MNAT1: variants seen among roughly 807,000 people sequenced by gnomAD.
MNAT1 encodes the protein CDK-activating kinase assembly factor MAT1.
Under a neutral mutation model 42.0 loss-of-function variants are expected in MNAT1, and 43 were observed. The observed-to-expected ratio is 1.02, with a 90% CI of 0.80 to 1.32. The LOEUF is 1.32. Ranked by LOEUF, MNAT1 falls within the 40% of genes most tolerant of loss-of-function variation. MNAT1 has a pLI of 0.00. For missense variants in MNAT1, 306 were observed against 350.4 expected, an observed-to-expected ratio of 0.87 and a Z score of 1.01; for synonymous variants, 118 against 120.0, an observed-to-expected ratio of 0.98 and a Z score of 0.11.
intron 6 of MNAT1, among the ~76,000 whole-genome samples, chr14:60,836,337 G>C (rs978156197): frequency 2.0e-5 from 3 of 152,154 alleles, no homozygotes; most frequent in Admixed American, 6.5e-5. Flanking sequence ...GGAATTTTCA[G>C]CCTTTTTGCA....
At chr14:60,818,954 C>T in intron 6 of MNAT1, 107 bp downstream of exon 6, 1 of 1,282,588 alleles carries the variant, frequency 7.8e-7, no homozygotes, top group Non-Finnish European at 1.1e-6. Context: ...TGTTTAAGAA[C>T]AGTGTCTGAT....
intron 1 of MNAT1, among the ~76,000 whole-genome samples, chr14:60,746,309 T>A: frequency 6.6e-6 from 1 of 151,650 alleles, no homozygotes; most frequent in East Asian, 1.9e-4. Flanking sequence ...AGGTCAGGAG[T>A]TCGAGACCAG....
intron 7 of MNAT1, among the ~76,000 whole-genome samples, chr14:60,942,138 AG>A (rs1465677974): frequency 6.7e-6 from 1 of 150,210 alleles, no homozygotes; most frequent in Non-Finnish European, 1.5e-5. Flanking sequence ...AAATACTTTT[AG>A]GGAAACATAC....
chr14:60,799,116 T>G, intron 3 of MNAT1: 3 of 366,728 alleles, frequency 8.2e-6, no homozygotes, highest in Non-Finnish European at 1.1e-5. Flanking sequence ...GAAACTTTTC[T>G]CATATGTCTA....
At chr14:60,768,127 C>T (rs544164928) in intron 1 of MNAT1, among the ~76,000 whole-genome samples, 52 of 151,918 alleles carry the variant, frequency 3.4e-4, no homozygotes, top group African/African-American at 1.2e-3. Flanking sequence ...TTTCGAACTC[C>T]TGACCTCAGG....
At chr14:60,779,231 C>T (rs2031358759) in intron 1 of MNAT1, among the ~76,000 whole-genome samples, 1 of 152,132 alleles carries the variant, frequency 6.6e-6, no homozygotes, top group Non-Finnish European at 1.5e-5. Flanking sequence ...TTCCTAAGCC[C>T]ATTATTTTAA....
chr14:60,882,103 G>A lies in MNAT1; in HGVS notation c.809+2268G>A, dbSNP rs149284625. 5.1e-3 allele frequency among the ~76,000 whole-genome samples: 775 copies of A among 152,298 alleles called. 14 individuals are homozygous for A. The highest frequency in any genetic ancestry group is 0.017 in the African/African-American group (727 of 41,556). On this transcript the variant is annotated intron_variant, in intron 7 of 7. Coordinates refer to ENST00000261245, the MANE Select transcript of MNAT1 (RefSeq NM_002431.4). ...TTGAACCTGGGAGGCAGAGGTTGCA[G>A]TGAGCCAAGATTGTGCCACTGCACT... is the stretch of plus-strand genomic sequence containing the variant.
At chr14:60,797,973 A>G in intron 2 of MNAT1, 114 bp from the exon 3 acceptor site, 1 of 562,148 alleles carries the variant, frequency 1.8e-6, no homozygotes, top group Non-Finnish European at 3.3e-6. Context: ...TTTACACAGT[A>G]AGCAATTCTT....
chr14:60,953,227 T>C (rs2036416848), intron 7 of MNAT1, among the ~76,000 whole-genome samples: 1 of 152,174 alleles, frequency 6.6e-6, no homozygotes, highest in Non-Finnish European at 1.5e-5. Flanking sequence ...TCTATACAAA[T>C]GTATTATACG....
At chr14:60,787,370 A>G (rs543560425) in intron 1 of MNAT1, among the ~76,000 whole-genome samples, 2 of 152,310 alleles carry the variant, frequency 1.3e-5, no homozygotes, top group African/African-American at 4.8e-5. Context: ...CTTTACTGCT[A>G]AAAATTGCTA....
At chr14:60,788,144 T>C (rs990252965) in intron 1 of MNAT1, among the ~76,000 whole-genome samples, 1 of 152,158 alleles carries the variant, frequency 6.6e-6, no homozygotes, top group Admixed American at 6.5e-5. Flanking sequence ...CCTTGACCCA[T>C]GGGCTTTTGA....
chr14:60,875,232 C>T (rs2034411525), intron 6 of MNAT1, among the ~76,000 whole-genome samples: 1 of 152,006 alleles, frequency 6.6e-6, no homozygotes, highest in Non-Finnish European at 1.5e-5. Context: ...GCCATTAAAA[C>T]TTTTAAATTG....
intron 7 of MNAT1, among the ~76,000 whole-genome samples, chr14:60,941,433 C>A (rs1430100880): frequency 6.6e-6 from 1 of 152,180 alleles, no homozygotes; most frequent in African/African-American, 2.4e-5. Context: ...GGCACACTGG[C>A]TCACACCTGT....
chr14:60,761,584 A>G (rs183472246), intron 1 of MNAT1, among the ~76,000 whole-genome samples: 2 of 152,314 alleles, frequency 1.3e-5, no homozygotes, highest in Non-Finnish European at 2.9e-5. Flanking sequence ...GATGCTTATT[A>G]AATTTAGATA....
intron 7 of MNAT1, among the ~76,000 whole-genome samples, chr14:60,920,420 GA>G (rs2035632128): frequency 6.6e-6 from 1 of 151,896 alleles, no homozygotes; most frequent in South Asian, 2.1e-4. Context: ...ATTGAAAACA[GA>G]AAAATCTTGA....
In MNAT1 at chr14:60,969,181, GT is replaced by G. The variant is rs2036735396; in HGVS notation, c.*834del. On this transcript the variant is annotated 3_prime_UTR_variant, in exon 8 of 8. Transcript: ENST00000261245. ...AATTGTATACTGATACAGTTTTTTT[GT>G]TGAAACTTCAAAGGCTTTTATTACC... 6.6e-6 allele frequency: 1 copy of G among 152,006 alleles called. No individual in the cohort carries two copies. Among genetic ancestry groups the G allele is most frequent in the African/African-American group, 2.4e-5 (1 of 41,404 alleles). 9.4% of individuals were successfully genotyped at this position (152,006 alleles called of 1,614,324 possible). A position where few individuals can be genotyped will look rare whatever the true frequency, so the allele number is the denominator to read the frequency against.
chr14:60,863,171 G>C (rs539721973), intron 6 of MNAT1, among the ~76,000 whole-genome samples: 2 of 152,162 alleles, frequency 1.3e-5, no homozygotes, highest in East Asian at 3.9e-4. Flanking sequence ...AAATAAATGA[G>C]AAATAGAATG....
chr14:60,808,556 A>G, intron 4 of MNAT1, 128 bp downstream of exon 4: 2 of 598,174 alleles, frequency 3.3e-6, no homozygotes, highest in East Asian at 6.2e-5. Context: ...TAGACCAGAA[A>G]TATGAATATA....
chr14:60,777,256 G>A (rs890000670), intron 1 of MNAT1, among the ~76,000 whole-genome samples: 4 of 152,128 alleles, frequency 2.6e-5, no homozygotes, highest in Non-Finnish European at 5.9e-5. Context: ...GTTTCTCTTT[G>A]TATAATCCCA....
Sources: gnomAD v4.1 joint callset for allele counts (sites outside exome capture counted in the v4.1 genomes callset) on GRCh38, gnomAD v4.1.1 for gene constraint, MANE v1.5 for transcripts, NCBI Gene and HGNC (gene_info 2026-07-23, HGNC 2026-07-21) for gene names.